The following GPHN variants were observed in gnomAD, a reference collection of about 807,000 sequenced individuals.
GPHN encodes gephyrin.
In GPHN, 17 loss-of-function variants were observed where a neutral mutation model predicts 95.5. That is an observed-to-expected ratio of 0.18 (90% CI 0.12 to 0.27). The LOEUF (loss-of-function observed/expected upper bound fraction) is 0.27. GPHN is among the 10% of genes least tolerant of loss of function. The pLI, the probability that GPHN is intolerant of heterozygous loss-of-function variation, is 1.00. For synonymous variants in GPHN, 320 were observed against 322.5 expected (o/e 0.99, Z 0.08); for missense variants, 660 against 978.1 (o/e 0.67, Z 4.34).
At chr14:66,517,557 G>A (rs1256404597) in intron 1 of GPHN, among the ~76,000 whole-genome samples, 1 of 152,216 alleles carries the variant, frequency 6.6e-6, no homozygotes, top group African/African-American at 2.4e-5. Flanking sequence ...CAGAGTGATA[G>A]TAACCAAAAC....
At chr14:66,774,843 T>C (rs996737024) in intron 2 of GPHN, among the ~76,000 whole-genome samples, 50 of 152,320 alleles carry the variant, frequency 3.3e-4, no homozygotes, top group African/African-American at 1.2e-3. Context: ...TATAGCTACA[T>C]TTGGAAATGA....
intron 17 of GPHN, among the ~76,000 whole-genome samples, chr14:67,128,402 A>G (rs1346652169): frequency 2.0e-5 from 3 of 152,048 alleles, no homozygotes; most frequent in Admixed American, 2.0e-4. Context: ...GACGACAGAC[A>G]CCCACCACCG....
chr14:67,578,198 AG>A, the GPHN span: 5 of 1,612,776 alleles, frequency 3.1e-6, no homozygotes, highest in Non-Finnish European at 4.2e-6. This position sits in a 1 kb window ranked among gnomAD's most constrained non-coding sequence, Gnocchi z 5.0. Context: ...TCCCTCATGC[AG>A]GTAGGCATGC....
At chr14:66,674,951 C>G (rs1204898985) in intron 1 of GPHN, among the ~76,000 whole-genome samples, 1 of 152,146 alleles carries the variant, frequency 6.6e-6, no homozygotes, top group Non-Finnish European at 1.5e-5. Context: ...GCATAAGTTC[C>G]TGTTTCTCTT....
the GPHN span, among the ~76,000 whole-genome samples, chr14:67,325,824 T>A: frequency 6.6e-6 from 1 of 151,766 alleles, no homozygotes; most frequent in Non-Finnish European, 1.5e-5. Context: ...TTTTTTTTTT[T>A]TTGAGACAGA....
At position 67,163,444 on chromosome 14, in the gene GPHN, G is replaced by A. The variant is rs142852548; in HGVS notation, c.1911-1718G>A. 6.2e-3 allele frequency among the ~76,000 whole-genome samples: 939 copies of A among 151,754 alleles called. 30 individuals carry two copies. Among genetic ancestry groups the A allele is most frequent in the Admixed American group, 0.049 (740 of 15,238 alleles). ...TAATGGTCAAGATGATAGCAATCTC[G>A]CATTACAGGGTGCCACAGGAAAAAA... On this transcript the variant is annotated intron_variant, in intron 19 of 22. Transcript: ENST00000478722.
At chr14:66,871,790 G>C (rs970836798) in intron 4 of GPHN, among the ~76,000 whole-genome samples, 1 of 152,100 alleles carries the variant, frequency 6.6e-6, no homozygotes, top group Non-Finnish European at 1.5e-5. Flanking sequence ...TGAGGGGGAA[G>C]GGGAGGGAGG....
the GPHN span, among the ~76,000 whole-genome samples, chr14:67,259,633 A>C: frequency 6.6e-6 from 1 of 151,884 alleles, no homozygotes; most frequent in African/African-American, 2.4e-5. Flanking sequence ...GAATGCTTGC[A>C]TGCATGCTGG....
chr14:67,028,227 C>T (rs531883117), intron 10 of GPHN, among the ~76,000 whole-genome samples: 2 of 152,240 alleles, frequency 1.3e-5, no homozygotes, highest in African/African-American at 4.8e-5. Context: ...AATAGTAGTC[C>T]ATTGTGTGTA....
intron 9 of GPHN, among the ~76,000 whole-genome samples, chr14:66,987,254 T>G (rs1737672921): frequency 2.6e-5 from 4 of 152,124 alleles, no homozygotes; most frequent in Admixed American, 2.6e-4. Flanking sequence ...CTATGGATTA[T>G]GACTCAAATT....
chr14:67,061,784 T>C (rs976854755), intron 11 of GPHN, among the ~76,000 whole-genome samples: 1 of 152,166 alleles, frequency 6.6e-6, no homozygotes. Flanking sequence ...AGTACTAGTA[T>C]TACAGGCATA....
the GPHN span, among the ~76,000 whole-genome samples, chr14:67,389,587 T>C: frequency 1.3e-5 from 2 of 152,110 alleles, no homozygotes; most frequent in Non-Finnish European, 2.9e-5. Flanking sequence ...TGTACATATA[T>C]ATGTATATAT....
At chr14:67,142,162 G>A (rs775515860) in intron 17 of GPHN, among the ~76,000 whole-genome samples, 1 of 152,182 alleles carries the variant, frequency 6.6e-6, no homozygotes, top group Non-Finnish European at 1.5e-5. Context: ...GAAGAGTCAG[G>A]CGGTATAAAT....
chr14:67,488,635 A>G, the GPHN span: 1 of 152,482 alleles, frequency 6.6e-6, no homozygotes, highest in African/African-American at 2.4e-5. Context: ...CACCACAAGG[A>G]CCATGTGCCT....
At position 66,566,564 on chromosome 14, in the gene GPHN, A is replaced by G. The variant is rs376887509; in HGVS notation, c.64+57973A>G. On this transcript the variant is annotated intron_variant, in intron 1 of 22. Transcript: ENST00000478722. ...TCCCTACACCATGTTGACTTACTGT[A>G]AGTGTTTTAACCCCACTAGACTTGA... Among the ~76,000 whole-genome samples, 9 of 152,234 alleles carry G rather than the reference A, an allele frequency of 5.9e-5. 1 individual carries two copies. Among genetic ancestry groups the G allele is most frequent in the East Asian group, 5.8e-4 (3 of 5,186 alleles).
intron 8 of GPHN, among the ~76,000 whole-genome samples, chr14:66,932,897 A>G (rs1196634644): frequency 6.6e-6 from 1 of 152,192 alleles, no homozygotes; most frequent in African/African-American, 2.4e-5. Context: ...ATTGTACACA[A>G]CTAATACCAT....
At chr14:67,650,244 GA>G in the GPHN span, 1 of 202,626 alleles carries the variant, frequency 4.9e-6, no homozygotes, top group Admixed American at 5.3e-5. Context: ...AACAGATACA[GA>G]TAACACATTA....
At chr14:66,599,496 G>A (rs1032312829) in intron 1 of GPHN, among the ~76,000 whole-genome samples, 4 of 146,190 alleles carry the variant, frequency 2.7e-5, no homozygotes, top group African/African-American at 7.8e-5. Context: ...TTGGATGGTG[G>A]GAGGAGAAGG....
the GPHN span, chr14:67,648,321 T>C: frequency 1.1e-6 from 1 of 938,554 alleles, no homozygotes; most frequent in Non-Finnish European, 1.5e-6. Context: ...CTAAAAATTA[T>C]ATGGCCATGC....
Sources: allele counts gnomAD v4.1 joint callset (sites outside exome capture counted in the v4.1 genomes callset), GRCh38; gene constraint gnomAD v4.1.1; non-coding constraint Gnocchi (gnomAD v3.1); transcripts MANE v1.5; gene names NCBI Gene and HGNC (gene_info 2026-07-23, HGNC 2026-07-21).